RPS6KC1: variants seen among roughly 807,000 people sequenced by gnomAD.
RPS6KC1 encodes inactive ribosomal protein S6 kinase delta-1.
Under a neutral mutation model 103.8 loss-of-function variants are expected in RPS6KC1, and 54 were observed. The ratio of observed to expected loss-of-function variants is 0.52; its 90% CI spans 0.42 to 0.65. RPS6KC1 has a LOEUF of 0.65. Ranked by LOEUF, RPS6KC1 falls within the 30% of genes least tolerant of loss-of-function variation. The pLI, the probability that RPS6KC1 is intolerant of heterozygous loss-of-function variation, is 0.00. For missense variants in RPS6KC1, 1,151 were observed against 1,253.8 expected (o/e 0.92, Z 1.24); for synonymous variants, 439 against 438.7 (o/e 1.00, Z -0.01).
the RPS6KC1 span, among the ~76,000 whole-genome samples, chr1:213,831,824 G>A: frequency 3.3e-5 from 5 of 152,156 alleles, no homozygotes; most frequent in African/African-American, 1.2e-4. Context: ...GCAATAAAAA[G>A]TTGACAAAGT....
intron 8 of RPS6KC1, among the ~76,000 whole-genome samples, chr1:213,217,787 A>G (rs1441115303): frequency 2.6e-5 from 4 of 152,236 alleles, no homozygotes; most frequent in Non-Finnish European, 5.9e-5. Flanking sequence ...GATTACCTCA[A>G]TAGATGCAGA....
chr1:213,077,597 G>T lies in RPS6KC1; in HGVS notation c.142-99G>T, dbSNP rs2079460863. On this transcript the variant is annotated intron_variant, in intron 2 of 14. Transcript: ENST00000366960. ...TTGTTTAGGACATGTGTTTGCCTTT[G>T]CATGACAATTTTGAACACTTTAATG... is the stretch of plus-strand genomic sequence containing the variant. The T allele has an allele frequency of 4.5e-6, 3 of 663,428 alleles. No individual in the cohort carries two copies. The South Asian group carries it at 1.2e-4, about 26-fold the overall frequency. The allele number at this position is 663,428 out of a possible 1,614,324, so 41.1% of individuals were successfully genotyped here.
the RPS6KC1 span, among the ~76,000 whole-genome samples, chr1:213,731,019 T>A: frequency 6.6e-6 from 1 of 152,208 alleles, no homozygotes. Context: ...CACCATTTAT[T>A]GAATCAGGAA....
the RPS6KC1 span, among the ~76,000 whole-genome samples, chr1:213,588,704 C>A: frequency 7.2e-5 from 11 of 151,900 alleles, no homozygotes; most frequent in Non-Finnish European, 1.5e-4. Flanking sequence ...ATGCACCTGC[C>A]CCACAAAGCG....
the RPS6KC1 span, among the ~76,000 whole-genome samples, chr1:213,850,293 GTT>G: frequency 6.6e-6 from 1 of 152,134 alleles, no homozygotes; most frequent in East Asian, 1.9e-4. Context: ...ATCACAAAGA[GTT>G]TTTTCAATTG....
At chr1:213,433,440 G>A in the RPS6KC1 span, among the ~76,000 whole-genome samples, 1 of 152,172 alleles carries the variant, frequency 6.6e-6, no homozygotes, top group African/African-American at 2.4e-5. Context: ...TGGAAGATTG[G>A]TGTTGATTAT....
the RPS6KC1 span, among the ~76,000 whole-genome samples, chr1:213,523,973 G>A: frequency 5.9e-5 from 9 of 152,166 alleles, no homozygotes; most frequent in African/African-American, 2.2e-4. Context: ...CCTGAGACAA[G>A]TACAAAGTCA....
chr1:213,848,063 T>C, the RPS6KC1 span, among the ~76,000 whole-genome samples: 2 of 152,166 alleles, frequency 1.3e-5, no homozygotes, highest in Non-Finnish European at 2.9e-5. Flanking sequence ...TAGAAGAAGA[T>C]ACAAAAGTAA....
chr1:213,496,330 TA>T, the RPS6KC1 span, among the ~76,000 whole-genome samples: 1 of 152,032 alleles, frequency 6.6e-6, no homozygotes, highest in South Asian at 2.1e-4. Flanking sequence ...GAGACATCTG[TA>T]AAAAAAATAA....
the RPS6KC1 span, among the ~76,000 whole-genome samples, chr1:213,339,016 C>A: frequency 6.6e-6 from 1 of 152,144 alleles, no homozygotes; most frequent in East Asian, 1.9e-4. Context: ...GTAATCTCAG[C>A]ACTTTGGGAG....
At chr1:213,343,658 G>T in the RPS6KC1 span, among the ~76,000 whole-genome samples, 4 of 151,168 alleles carry the variant, frequency 2.6e-5, no homozygotes, top group South Asian at 4.2e-4. Context: ...AGGGTGGGAG[G>T]GGGGTGAGGG....
At chr1:213,199,620 C>T (rs1355707008) in intron 8 of RPS6KC1, among the ~76,000 whole-genome samples, 1 of 152,160 alleles carries the variant, frequency 6.6e-6, no homozygotes. Context: ...CACTCTTATT[C>T]AACATAGTAT....
At chr1:213,110,191 C>T (rs2082890947) in intron 4 of RPS6KC1, among the ~76,000 whole-genome samples, 1 of 152,082 alleles carries the variant, frequency 6.6e-6, no homozygotes, top group African/African-American at 2.4e-5. Flanking sequence ...TTGCCAAGTC[C>T]AACATCTTTG....
the RPS6KC1 span, among the ~76,000 whole-genome samples, chr1:213,420,168 G>A: frequency 1.3e-5 from 2 of 152,176 alleles, no homozygotes; most frequent in African/African-American, 2.4e-5. Context: ...GAGGAAATGT[G>A]GCTTCCCAGG....
the RPS6KC1 span, among the ~76,000 whole-genome samples, chr1:213,506,279 G>A: frequency 6.6e-6 from 1 of 152,168 alleles, no homozygotes; most frequent in African/African-American, 2.4e-5. Flanking sequence ...ATGGAAGAAT[G>A]CTGATAATGG....
At chr1:213,718,464 AC>A in the RPS6KC1 span, among the ~76,000 whole-genome samples, 1 of 152,114 alleles carries the variant, frequency 6.6e-6, no homozygotes, top group Admixed American at 6.5e-5. Context: ...GATATGTAAC[AC>A]CCTCTCTGAG....
chr1:213,663,202 TCTTA>T, the RPS6KC1 span, among the ~76,000 whole-genome samples: 2 of 152,212 alleles, frequency 1.3e-5, no homozygotes, highest in Admixed American at 6.5e-5. Context: ...CTGTTATTGC[TCTTA>T]CTATTACTAT....
At chr1:213,380,178 C>A in the RPS6KC1 span, among the ~76,000 whole-genome samples, 1 of 152,128 alleles carries the variant, frequency 6.6e-6, no homozygotes, top group Non-Finnish European at 1.5e-5. Context: ...TTTGCAGCAG[C>A]CTGGATGGAG....
chr1:213,405,330 A>C, the RPS6KC1 span, among the ~76,000 whole-genome samples: 1 of 152,250 alleles, frequency 6.6e-6, no homozygotes, highest in South Asian at 2.1e-4. Context: ...AGCAACTCCA[A>C]GTCACAAAAT....
Sources: allele counts gnomAD v4.1 joint callset (sites outside exome capture counted in the v4.1 genomes callset), GRCh38; gene constraint gnomAD v4.1.1; transcripts MANE v1.5; gene names NCBI Gene and HGNC (gene_info 2026-07-23, HGNC 2026-07-21).